CMSS1: variants seen among roughly 807,000 people sequenced by gnomAD.
The protein encoded by CMSS1 is protein CMSS1.
Under a neutral mutation model 43.5 loss-of-function variants are expected in CMSS1, and 33 were observed. The ratio of observed to expected loss-of-function variants is 0.76; its 90% CI spans 0.57 to 1.01. The LOEUF (loss-of-function observed/expected upper bound fraction) is 1.01. Ranked by LOEUF, CMSS1 falls within the 50% of genes least tolerant of loss-of-function variation. The pLI is 0.00. For synonymous variants in CMSS1, 115 were observed against 117.2 expected, an observed-to-expected ratio of 0.98 and a Z score of 0.12; for missense variants, 313 against 326.4, an observed-to-expected ratio of 0.96 and a Z score of 0.32.
intron 1 of CMSS1, among the ~76,000 whole-genome samples, chr3:99,944,207 G>A (rs1288080014): frequency 6.6e-6 from 1 of 152,158 alleles, no homozygotes; most frequent in South Asian, 2.1e-4. Flanking sequence ...GTGTTATTTT[G>A]TGCCTAACTG....
intron 1 of CMSS1, among the ~76,000 whole-genome samples, chr3:99,957,671 TCCTTTTC>T (rs1411192995): frequency 1.3e-5 from 2 of 149,036 alleles, no homozygotes; most frequent in Admixed American, 1.3e-4. Flanking sequence ...TTGGCACTTC[TCCTTTTC>T]TCTTTTCTTT....
chr3:100,019,790 G>A (rs1559727633), intron 1 of CMSS1, among the ~76,000 whole-genome samples: 1 of 152,108 alleles, frequency 6.6e-6, no homozygotes, highest in African/African-American at 2.4e-5. Flanking sequence ...TAAGGAGTAA[G>A]ATAATTTTTC....
At chr3:99,827,734 T>C (rs1271322266) in intron 1 of CMSS1, among the ~76,000 whole-genome samples, 1 of 152,018 alleles carries the variant, frequency 6.6e-6, no homozygotes, top group African/African-American at 2.4e-5. Flanking sequence ...GCCTCCGGAG[T>C]AGCTGGGATT....
At chr3:99,866,652 G>A (rs1944537071) in intron 1 of CMSS1, among the ~76,000 whole-genome samples, 1 of 152,190 alleles carries the variant, frequency 6.6e-6, no homozygotes, top group South Asian at 2.1e-4. Context: ...GAGGGTTAAT[G>A]TGTGGCTTGG....
chr3:99,922,479 A>G (rs1018584429), intron 1 of CMSS1, among the ~76,000 whole-genome samples: 1 of 152,172 alleles, frequency 6.6e-6, no homozygotes, highest in Non-Finnish European at 1.5e-5. Flanking sequence ...CCTGGAAAAA[A>G]TAGAGTGAAT....
chr3:99,859,968 A>G (rs546731727), intron 1 of CMSS1, among the ~76,000 whole-genome samples: 1 of 152,348 alleles, frequency 6.6e-6, no homozygotes, highest in East Asian at 1.9e-4. Context: ...AGCATACCAT[A>G]GCCATAATGT....
chr3:100,013,362 G>A (rs1710222970), intron 1 of CMSS1, among the ~76,000 whole-genome samples: 1 of 152,028 alleles, frequency 6.6e-6, no homozygotes, highest in South Asian at 2.1e-4. Context: ...TCCTGCCTCA[G>A]CCTCCTGAGT....
intron 1 of CMSS1, among the ~76,000 whole-genome samples, chr3:99,981,114 C>G (rs1376980061): frequency 6.6e-6 from 1 of 152,156 alleles, no homozygotes; most frequent in African/African-American, 2.4e-5. Flanking sequence ...CATACTCACA[C>G]TCTGTCCGAG....
At chr3:99,907,593 G>A (rs181018635) in intron 1 of CMSS1, among the ~76,000 whole-genome samples, 62 of 152,210 alleles carry the variant, frequency 4.1e-4, no homozygotes, top group South Asian at 2.1e-3. Context: ...ACATAACATT[G>A]CACCCATAGC....
intron 1 of CMSS1, among the ~76,000 whole-genome samples, chr3:100,027,113 C>G (rs138828107): frequency 2.0e-5 from 3 of 152,124 alleles, no homozygotes; most frequent in Non-Finnish European, 4.4e-5. Context: ...GCCTTGGACA[C>G]GCTATCTAAA....
chr3:100,172,455 C>T lies in CMSS1; in HGVS notation c.667+52C>T, dbSNP rs568057819. ...TGCCCAGGGCTGGGAGTTTGCCTTA[C>T]CTACATGTGAGTCTCAGAAACTAAA... is the stretch of plus-strand genomic sequence containing the variant. On this transcript the variant is annotated intron_variant, in intron 8 of 9. Transcript: ENST00000421999. 5 of 1,358,966 alleles carry T rather than the reference C, an allele frequency of 3.7e-6. No individual in the cohort carries two copies. In the African/African-American group the frequency reaches 5.8e-5, roughly 16 times the overall value. 84.2% of individuals were successfully genotyped at this position (1,358,966 alleles called of 1,614,324 possible).
chr3:100,028,628 A>C (rs1354634293), intron 1 of CMSS1, among the ~76,000 whole-genome samples: 1 of 152,216 alleles, frequency 6.6e-6, no homozygotes, highest in Admixed American at 6.6e-5. Context: ...AATACATGTA[A>C]ATTATAAATA....
At chr3:99,972,531 C>T (rs1194928847) in intron 1 of CMSS1, among the ~76,000 whole-genome samples, 1 of 152,160 alleles carries the variant, frequency 6.6e-6, no homozygotes, top group Non-Finnish European at 1.5e-5. Context: ...CATTTTCTGC[C>T]TCTAGTGCTG....
At chr3:99,892,073 G>T (rs1460011796) in intron 1 of CMSS1, among the ~76,000 whole-genome samples, 1 of 152,186 alleles carries the variant, frequency 6.6e-6, no homozygotes, top group Non-Finnish European at 1.5e-5. Context: ...GATGGTCTAA[G>T]AGCTTCTGCT....
chr3:99,988,455 T>G (rs1295463763), intron 1 of CMSS1, among the ~76,000 whole-genome samples: 5 of 133,830 alleles, frequency 3.7e-5, no homozygotes, highest in African/African-American at 1.5e-4. Context: ...GAGGTTGCAG[T>G]GAGCCGAGAT....
intron 2 of CMSS1, chr3:100,159,945 T>C (rs1364291581): frequency 2.2e-6 from 1 of 456,522 alleles, no homozygotes. Flanking sequence ...CTTTGGATTT[T>C]CTATGCTTAT....
intron 1 of CMSS1, among the ~76,000 whole-genome samples, chr3:99,983,121 C>T (rs971989832): frequency 6.6e-6 from 1 of 151,816 alleles, no homozygotes; most frequent in African/African-American, 2.4e-5. Flanking sequence ...AGTCTTTTTA[C>T]AGCTATTATC....
chr3:99,843,558 C>A (rs531094308), intron 1 of CMSS1, among the ~76,000 whole-genome samples: 4 of 152,292 alleles, frequency 2.6e-5, no homozygotes, highest in Admixed American at 1.3e-4. Flanking sequence ...GTTAGAACCA[C>A]ATAAACCCAC....
intron 1 of CMSS1, among the ~76,000 whole-genome samples, chr3:99,905,831 C>T (rs77882169): frequency 0.011 from 1,708 of 152,312 alleles, 18 homozygotes; most frequent in African/African-American, 0.025. Flanking sequence ...ATGGAATTTA[C>T]ATTGCCATCA....
Sources: allele counts gnomAD v4.1 joint callset (sites outside exome capture counted in the v4.1 genomes callset), GRCh38; gene constraint gnomAD v4.1.1; transcripts MANE v1.5; gene names NCBI Gene and HGNC (gene_info 2026-07-23, HGNC 2026-07-21).